CPNE4: variants seen among roughly 807,000 people sequenced by gnomAD.
CPNE4 encodes the protein copine-4.
CPNE4 carries 25 observed loss-of-function variants against 67.9 expected under a neutral mutation model. The observed-to-expected ratio is 0.37, with a 90% CI of 0.27 to 0.51. The LOEUF (loss-of-function observed/expected upper bound fraction) is 0.51, where lower values mean the gene tolerates loss of function less well. Among genes scored for constraint, CPNE4 ranks in the 20% least tolerant of loss-of-function variants. The pLI is 0.93. For synonymous variants in CPNE4, 242 were observed against 244.9 expected (o/e 0.99, Z 0.11); for missense variants, 464 against 690.8 (o/e 0.67, Z 3.68).
intron 7 of CPNE4, among the ~76,000 whole-genome samples, chr3:131,631,466 T>G (rs1210873095): frequency 6.6e-6 from 1 of 152,212 alleles, no homozygotes; most frequent in Non-Finnish European, 1.5e-5. Context: ...AAAAAAGACT[T>G]AATAAACAAT....
At chr3:131,736,079 C>T (rs1409448251) in intron 2 of CPNE4, among the ~76,000 whole-genome samples, 2 of 152,306 alleles carry the variant, frequency 1.3e-5, no homozygotes, top group Admixed American at 1.3e-4. Context: ...CTTCTCTCCA[C>T]AGTTAAGTAG....
chr3:131,775,641 G>A (rs1293332241), intron 2 of CPNE4, among the ~76,000 whole-genome samples: 2 of 152,118 alleles, frequency 1.3e-5, no homozygotes, highest in Non-Finnish European at 2.9e-5. Flanking sequence ...TCTCTTGTCT[G>A]CCACCATGTG....
intron 7 of CPNE4, among the ~76,000 whole-genome samples, chr3:131,665,855 C>A (rs906764609): frequency 1.4e-4 from 22 of 152,052 alleles, no homozygotes; most frequent in Admixed American, 1.3e-3. Flanking sequence ...AGCACTCCTG[C>A]AAAACACAAA....
At chr3:131,574,568 C>T (rs1937500499) in intron 10 of CPNE4, among the ~76,000 whole-genome samples, 1 of 152,114 alleles carries the variant, frequency 6.6e-6, no homozygotes, top group African/African-American at 2.4e-5. Context: ...GCCTGGTTCT[C>T]CAATCTTTGG....
chr3:131,553,779 A>G (rs537564024), intron 12 of CPNE4, among the ~76,000 whole-genome samples: 1 of 152,094 alleles, frequency 6.6e-6, no homozygotes, highest in Non-Finnish European at 1.5e-5. Flanking sequence ...GCATACTTTC[A>G]GATTTTGTCC....
At chr3:131,795,562 T>A (rs1049302151) in intron 2 of CPNE4, among the ~76,000 whole-genome samples, 2 of 152,158 alleles carry the variant, frequency 1.3e-5, no homozygotes, top group Non-Finnish European at 2.9e-5. Flanking sequence ...CTCCCTTTTG[T>A]GGTTTTAACA....
intron 1 of CPNE4, among the ~76,000 whole-genome samples, chr3:132,001,598 A>AGAAAGAAG (rs2073448142): frequency 2.0e-5 from 3 of 151,528 alleles, no homozygotes; most frequent in African/African-American, 4.9e-5. Context: ...AAAGAAAGAA[A>AGAAAGAAG]GAAAGAAAGA....
intron 1 of CPNE4, among the ~76,000 whole-genome samples, chr3:131,982,752 G>A (rs765455913): frequency 1.5e-4 from 23 of 151,842 alleles, no homozygotes; most frequent in Middle Eastern, 3.5e-3. Context: ...CACTTTAATT[G>A]GAAACTTTAA....
At chr3:131,737,310 G>A (rs2082260637) in intron 2 of CPNE4, among the ~76,000 whole-genome samples, 1 of 151,654 alleles carries the variant, frequency 6.6e-6, no homozygotes. Flanking sequence ...TTTTAGTGGA[G>A]ATGGGGTTTC....
intron 1 of CPNE4, among the ~76,000 whole-genome samples, chr3:131,949,007 A>G (rs75338913): frequency 3.9e-5 from 6 of 152,232 alleles, no homozygotes; most frequent in African/African-American, 1.2e-4. Flanking sequence ...TTCAGGTTGC[A>G]TGACGTTGAG....
chr3:131,933,530 A>G (rs904665124), intron 1 of CPNE4, among the ~76,000 whole-genome samples: 3 of 152,202 alleles, frequency 2.0e-5, no homozygotes, highest in Non-Finnish European at 4.4e-5. Context: ...TTCTGGGTAC[A>G]GATCCTAAGG....
At chr3:131,975,285 G>T (rs955905183) in intron 1 of CPNE4, among the ~76,000 whole-genome samples, 6 of 152,094 alleles carry the variant, frequency 3.9e-5, no homozygotes, top group Admixed American at 3.9e-4. Flanking sequence ...CGATAAGAAA[G>T]TCAGCCTCCA....
intron 3 of CPNE4, among the ~76,000 whole-genome samples, chr3:131,706,874 C>T (rs919946376): frequency 3.9e-5 from 6 of 152,156 alleles, no homozygotes; most frequent in Non-Finnish European, 8.8e-5. Flanking sequence ...TTGAATCTAT[C>T]TATGATCCCA....
intron 12 of CPNE4, among the ~76,000 whole-genome samples, chr3:131,554,829 G>C (rs1302334578): frequency 6.6e-6 from 1 of 151,980 alleles, no homozygotes; most frequent in Non-Finnish European, 1.5e-5. Flanking sequence ...CCAAGGCCCT[G>C]TCCACCTAGT....
Position 131,587,595 on chromosome 3 carries a change from A to G in CPNE4, c.682-13T>C. ...CCCATACTATGCACTGTAAGAGAAA[A>G]CAATGATCTTTCTTAAAAAATTAAG... is the stretch of plus-strand genomic sequence containing the variant. On this transcript the variant is annotated splice_polypyrimidine_tract_variant and intron_variant, in intron 7 of 15. Transcript: ENST00000429747. 1 of 1,577,038 alleles carries G rather than the reference A, an allele frequency of 6.3e-7. No individual in the cohort carries two copies. The highest frequency in any genetic ancestry group is 1.7e-5 in the Admixed American group (1 of 59,238).
intron 2 of CPNE4, among the ~76,000 whole-genome samples, chr3:131,818,435 T>C (rs2084832757): frequency 6.6e-6 from 1 of 152,154 alleles, no homozygotes; most frequent in Non-Finnish European, 1.5e-5. Context: ...GTTCAAAAGG[T>C]ATAGGATAAA....
At chr3:131,851,309 T>G (rs2086234845) in intron 2 of CPNE4, among the ~76,000 whole-genome samples, 1 of 152,012 alleles carries the variant, frequency 6.6e-6, no homozygotes, top group Non-Finnish European at 1.5e-5. Context: ...ATTTTTAATC[T>G]CTCCTTAACA....
intron 7 of CPNE4, among the ~76,000 whole-genome samples, chr3:131,592,083 A>G (rs1419452889): frequency 6.6e-6 from 1 of 152,234 alleles, no homozygotes; most frequent in Non-Finnish European, 1.5e-5. Context: ...TTGATGACAG[A>G]TAAGTGACTT....
rs760823329 is a variant in CPNE4 at position 131,905,434 on chromosome 3, T to A, written c.10A>T (p.Met4Leu). 1 of 1,612,356 alleles carries A rather than the reference T, an allele frequency of 6.2e-7. No individual in the cohort carries two copies. Among genetic ancestry groups the A allele is most frequent in the Non-Finnish European group, 8.5e-7 (1 of 1,179,212 alleles). Residue 4 changes from methionine (M) to leucine (L), a missense_variant, in exon 2 of 16, where the codon ATG becomes TTG. Physicochemically the swap from Met to Leu is conservative, Grantham distance 15. Transcript: ENST00000429747. MKK[M>L]SNIYESAANT... ...GCAGCGGACTCATAAATGTTGCTCA[T>A]CTTCTTCATTCTGTTTTAGGCAAGT...
Sources: allele counts gnomAD v4.1 joint callset (sites outside exome capture counted in the v4.1 genomes callset), GRCh38; gene constraint gnomAD v4.1.1; transcripts MANE v1.5; gene names NCBI Gene and HGNC (gene_info 2026-07-23, HGNC 2026-07-21).